Variants in EPHA6 observed in about 807,000 individuals in gnomAD.
EPHA6 encodes the protein EPH receptor A6, also known as ephrin type-A receptor 6.
Under a neutral mutation model 112.0 loss-of-function variants are expected in EPHA6, and 50 were observed. That is an observed-to-expected ratio of 0.45 (90% CI 0.36 to 0.56). The LOEUF (loss-of-function observed/expected upper bound fraction) is 0.56. Ranked by LOEUF, EPHA6 falls within the 20% of genes least tolerant of loss-of-function variation. The pLI, the probability that EPHA6 is intolerant of heterozygous loss-of-function variation, is 0.00. For missense variants in EPHA6, 1,280 were observed against 1,417.4 expected, an observed-to-expected ratio of 0.90 and a Z score of 1.56; for synonymous variants, 529 against 490.7, an observed-to-expected ratio of 1.08 and a Z score of -1.03.
intron 6 of EPHA6, among the ~76,000 whole-genome samples, chr3:97,423,978 C>T (rs1017691290): frequency 1.3e-5 from 2 of 152,174 alleles, no homozygotes; most frequent in Non-Finnish European, 2.9e-5. Flanking sequence ...GCCCTCTTCT[C>T]TATTAGTCTC....
chr3:97,413,799 C>T (rs773523712), intron 6 of EPHA6, among the ~76,000 whole-genome samples: 1 of 151,812 alleles, frequency 6.6e-6, no homozygotes, highest in Non-Finnish European at 1.5e-5. Flanking sequence ...GGACTAAATA[C>T]CTAAATACCT....
intron 11 of EPHA6, among the ~76,000 whole-genome samples, chr3:97,582,002 TTTTTTA>T (rs995867362): frequency 6.6e-6 from 1 of 152,206 alleles, no homozygotes; most frequent in Non-Finnish European, 1.5e-5. Flanking sequence ...GAAGCTGTTC[TTTTTTA>T]TTTTTATTTT....
intron 5 of EPHA6, among the ~76,000 whole-genome samples, chr3:97,335,817 A>C (rs1328555755): frequency 6.6e-6 from 1 of 152,036 alleles, no homozygotes; most frequent in African/African-American, 2.4e-5. Context: ...TCTCCCCAAG[A>C]ATTCAGGGAT....
chr3:97,669,445 T>C (rs1373572225), intron 14 of EPHA6, among the ~76,000 whole-genome samples: 1 of 151,900 alleles, frequency 6.6e-6, no homozygotes, highest in African/African-American at 2.4e-5. Flanking sequence ...GACCACCTGT[T>C]TAGAAAAAAT....
At chr3:97,276,529 G>A (rs2080087312) in intron 5 of EPHA6, among the ~76,000 whole-genome samples, 1 of 152,126 alleles carries the variant, frequency 6.6e-6, no homozygotes, top group African/African-American at 2.4e-5. Flanking sequence ...CTGGAGATGT[G>A]GCTGGGGTTT....
At chr3:97,377,244 A>T (rs1481159434) in intron 5 of EPHA6, among the ~76,000 whole-genome samples, 1 of 152,140 alleles carries the variant, frequency 6.6e-6, no homozygotes, top group East Asian at 1.9e-4. Context: ...AAGTCTCATG[A>T]TATCTGATAG....
chr3:97,367,404 A>G (rs897716693), intron 5 of EPHA6, among the ~76,000 whole-genome samples: 2 of 151,538 alleles, frequency 1.3e-5, no homozygotes, highest in Non-Finnish European at 2.9e-5. Flanking sequence ...TCCCTGGCTC[A>G]CCTCCTGCGT....
intron 3 of EPHA6, among the ~76,000 whole-genome samples, chr3:97,089,075 CAG>C (rs1483941429): frequency 2.0e-5 from 3 of 152,010 alleles, no homozygotes; most frequent in African/African-American, 7.3e-5. Flanking sequence ...GAGGATAGGA[CAG>C]AGAAAGCCAG....
At chr3:96,872,687 G>A (rs866201541) in intron 2 of EPHA6, among the ~76,000 whole-genome samples, 7 of 151,982 alleles carry the variant, frequency 4.6e-5, no homozygotes, top group African/African-American at 1.7e-4. Context: ...TTCTGAGGAT[G>A]AATTGTATGT....
intron 11 of EPHA6, among the ~76,000 whole-genome samples, chr3:97,536,991 G>T (rs1017026208): frequency 6.6e-6 from 1 of 152,064 alleles, no homozygotes; most frequent in African/African-American, 2.4e-5. Flanking sequence ...TAAAATTTGT[G>T]CCAGTGATAA....
intron 13 of EPHA6, among the ~76,000 whole-genome samples, chr3:97,619,786 A>G (rs914037705): frequency 6.6e-6 from 1 of 152,128 alleles, no homozygotes; most frequent in Non-Finnish European, 1.5e-5. Context: ...CAAATGGAAA[A>G]ACTTTCCATG....
intron 13 of EPHA6, among the ~76,000 whole-genome samples, chr3:97,636,518 G>T (rs2093946852): frequency 6.6e-6 from 1 of 151,980 alleles, no homozygotes; most frequent in African/African-American, 2.4e-5. Flanking sequence ...TTTTAAGAGA[G>T]GGTTCTTTCC....
chr3:97,658,721 A>G (rs1325365284), intron 14 of EPHA6, among the ~76,000 whole-genome samples: 1 of 151,954 alleles, frequency 6.6e-6, no homozygotes, highest in Non-Finnish European at 1.5e-5. Flanking sequence ...CACATTCAAC[A>G]TTAGAAACTA....
chr3:96,879,106 TTTTCATTA>T (rs2037149388), intron 2 of EPHA6, among the ~76,000 whole-genome samples: 1 of 152,080 alleles, frequency 6.6e-6, no homozygotes, highest in African/African-American at 2.4e-5. Context: ...TAGGATTATG[TTTTCATTA>T]TTTCACTGAA....
intron 11 of EPHA6, among the ~76,000 whole-genome samples, chr3:97,553,589 A>G (rs1039414010): frequency 1.3e-5 from 2 of 152,074 alleles, no homozygotes; most frequent in Admixed American, 1.3e-4. Context: ...ATCAGCTCTC[A>G]TGAGAACGCT....
At chr3:97,557,638 T>C (rs1034044542) in intron 11 of EPHA6, among the ~76,000 whole-genome samples, 3 of 151,916 alleles carry the variant, frequency 2.0e-5, no homozygotes, top group African/African-American at 7.2e-5. Context: ...TTCAGGGTAG[T>C]TTTCTTCAGT....
chr3:97,646,565 A>G (rs558278479), intron 14 of EPHA6, among the ~76,000 whole-genome samples: 1 of 152,258 alleles, frequency 6.6e-6, no homozygotes, highest in Non-Finnish European at 1.5e-5. Flanking sequence ...TGGAGGGCCA[A>G]TTGTGAAACA....
chr3:97,740,409 C>T (rs1486461), intron 16 of EPHA6, among the ~76,000 whole-genome samples: 149,448 of 152,286 alleles, frequency 0.98, 73,354 homozygotes, highest in East Asian at 0.99. Context: ...CATCCCAGGA[C>T]GGGCAGCAGT....
intron 11 of EPHA6, among the ~76,000 whole-genome samples, chr3:97,557,554 A>G (rs2093129344): frequency 6.6e-6 from 1 of 152,064 alleles, no homozygotes; most frequent in South Asian, 2.1e-4. Flanking sequence ...ATGTCTAAGA[A>G]TATGTCTTTT....
Sources: gnomAD v4.1 joint callset for allele counts (sites outside exome capture counted in the v4.1 genomes callset) on GRCh38, gnomAD v4.1.1 for gene constraint, MANE v1.5 for transcripts, NCBI Gene and HGNC (gene_info 2026-07-23, HGNC 2026-07-21) for gene names.